The following COL17A1 variants were observed in gnomAD, a reference collection of about 807,000 sequenced individuals.
COL17A1 encodes the protein collagen type XVII alpha 1 chain.
In COL17A1, 181 loss-of-function variants were observed where a neutral mutation model predicts 218.4. The ratio of observed to expected loss-of-function variants is 0.83; its 90% CI spans 0.73 to 0.94. The LOEUF (loss-of-function observed/expected upper bound fraction) is 0.94, where lower values mean the gene tolerates loss of function less well. Ranked by LOEUF, COL17A1 falls within the 40% of genes least tolerant of loss-of-function variation. The probability of loss-of-function intolerance (pLI) is 0.00; values close to 1 mark genes in which losing one functional copy is unlikely to be tolerated. For synonymous variants in COL17A1, 721 were observed against 731.0 expected, an observed-to-expected ratio of 0.99 and a Z score of 0.22; for missense variants, 1,924 against 1,945.9, an observed-to-expected ratio of 0.99 and a Z score of 0.21.
At chr10:104,065,010 A>C (rs982312680) in intron 9 of COL17A1, among the ~76,000 whole-genome samples, 13 of 152,236 alleles carry the variant, frequency 8.5e-5, no homozygotes, top group African/African-American at 3.1e-4. Context: ...AACCTCTTTC[A>C]GTAGAATTCC....
At chr10:104,036,958 C>G in intron 47 of COL17A1, 87 bp downstream of exon 47, 1 of 1,269,166 alleles carries the variant, frequency 7.9e-7, no homozygotes, top group Middle Eastern at 2.6e-4. Flanking sequence ...CCTTCCAAGG[C>G]TCAGACGAGG....
intron 4 of COL17A1, 62 bp downstream of exon 4, chr10:104,077,360 T>G: frequency 7.4e-7 from 1 of 1,343,096 alleles, no homozygotes; most frequent in Non-Finnish European, 1.1e-6. Flanking sequence ...TGTAGGACTT[T>G]CTTGGTGTCT....
At chr10:104,065,436 G>A (rs2086618786) in intron 9 of COL17A1, among the ~76,000 whole-genome samples, 1 of 152,142 alleles carries the variant, frequency 6.6e-6, no homozygotes, top group South Asian at 2.1e-4. Flanking sequence ...ATGTAATATG[G>A]AACAGCTGAA....
intron 48 of COL17A1, among the ~76,000 whole-genome samples, chr10:104,035,885 G>GCAGT (rs2086279352): frequency 3.0e-4 from 1 of 3,300 alleles, no homozygotes; most frequent in Non-Finnish European, 8.5e-4. Flanking sequence ...CGTGAGTACT[G>GCAGT]GAGTGTATGG....
chr10:104,032,006 T>C lies in COL17A1; in HGVS notation c.*229A>G. 1 of 600,056 alleles carries C rather than the reference T, an allele frequency of 1.7e-6. No individual in the cohort carries two copies. The allele number at this position is 600,056 out of a possible 1,614,324, so 37.2% of individuals were successfully genotyped here. ...GAGAAGTAAGTCTCATTCTAAAACA[T>C]TGCAACTACTGTTAGAGTCCACCCC... On this transcript the variant is annotated 3_prime_UTR_variant, in exon 56 of 56. Coordinates refer to ENST00000648076, the MANE Select transcript of COL17A1 (RefSeq NM_000494.4).
Position 104,034,044 on chromosome 10 carries a change from CTTCT to C in COL17A1, c.4053_4056del (p.Glu1352AlafsTer26). The C allele has an allele frequency of 6.2e-7, 1 of 1,614,202 alleles. No homozygotes were observed. Among genetic ancestry groups the C allele is most frequent in the South Asian group, 1.1e-5 (1 of 91,090 alleles). Reference sequence around the variant, plus strand: ...CCGCCATTGCCAGCATACATGCCGCCTTCTGCTGCTGCCCCATAGCCTCCGCCTG... The same window carrying C: ...CCGCCATTGCCAGCATACATGCCGCCGCTGCTGCCCCATAGCCTCCGCCTG... On this transcript the variant is annotated frameshift_variant, in exon 52 of 56. Coordinates refer to ENST00000648076, the MANE Select transcript of COL17A1 (RefSeq NM_000494.4). LOFTEE classifies it high-confidence loss of function.
intron 9 of COL17A1, among the ~76,000 whole-genome samples, chr10:104,066,327 T>C (rs962548942): frequency 1.3e-5 from 2 of 152,032 alleles, no homozygotes; most frequent in Non-Finnish European, 2.9e-5. Context: ...ATGCTGCAGG[T>C]TTTTAAGGGC....
chr10:104,058,263 T>G, intron 15 of COL17A1, 73 bp from the exon 16 acceptor site: 1 of 1,594,616 alleles, frequency 6.3e-7, no homozygotes, highest in Non-Finnish European at 8.6e-7. Context: ...GAGTAGCCAT[T>G]TTTTTATTCC....
chr10:104,034,508 A>C lies in COL17A1; in HGVS notation c.3766+113T>G, dbSNP rs184551538. On this transcript the variant is annotated intron_variant, in intron 51 of 55. Coordinates refer to ENST00000648076, the MANE Select transcript of COL17A1 (RefSeq NM_000494.4). ...TGTGGAAGGAAACCGGGCTTACCCC[A>C]CCAGTGGCTCTCGTGTGGCCTTCCT... is the stretch of plus-strand genomic sequence containing the variant. 1.8e-3 allele frequency: 2,685 copies of C among 1,521,404 alleles called. 40 individuals carry two copies. In the African/African-American group the frequency reaches 0.029, roughly 16 times the overall value. 94.2% of individuals were successfully genotyped at this position (1,521,404 alleles called of 1,614,324 possible). A position where few individuals can be genotyped will look rare whatever the true frequency, so the allele number is the denominator to read the frequency against.
rs966109154 is a variant in COL17A1, at chr10:104,054,236, G to A, written c.1745-118C>T. Reference sequence around the variant, plus strand: ...AAACTTAGGAAATAAAAATGCAGATGTCCAGTTACATTTGAATTGCAGATA... The same window carrying A: ...AAACTTAGGAAATAAAAATGCAGATATCCAGTTACATTTGAATTGCAGATA... On this transcript the variant is annotated intron_variant, in intron 20 of 55. Transcript: ENST00000648076. The A allele has an allele frequency of 3.8e-5, 36 of 957,562 alleles. No individual in the cohort carries two copies. The African/African-American group carries it at 4.5e-4, about 12-fold the overall frequency. The allele number at this position is 957,562 out of a possible 1,614,324, so 59.3% of individuals were successfully genotyped here. A position where few individuals can be genotyped will look rare whatever the true frequency, so the allele number is the denominator to read the frequency against.
intron 1 of COL17A1, among the ~76,000 whole-genome samples, chr10:104,085,389 G>T (rs1236604991): frequency 1.3e-5 from 2 of 152,086 alleles, no homozygotes; most frequent in Non-Finnish European, 2.9e-5. Context: ...GGGAGAGAAG[G>T]AATTATAAGC....
At chr10:104,041,141 C>T (rs750729959) in intron 38 of COL17A1, 23 bp from the exon 39 acceptor site, 101 of 1,608,760 alleles carry the variant, frequency 6.3e-5, no homozygotes, top group Non-Finnish European at 8.5e-5. Context: ...ACCCCCAAGA[C>T]TTATTAGTGC....
rs540348616 is a variant in COL17A1 at position 104,077,507 on chromosome 10, G to T, written c.117C>A (p.Gly39=). The T allele has an allele frequency of 6.2e-7, 1 of 1,612,716 alleles. No homozygotes were observed. Among genetic ancestry groups the T allele is most frequent in the Admixed American group, 1.7e-5 (1 of 59,906 alleles). ...SLPPKGGTSN[G]YAKTASLGGG... is the part of the protein sequence containing the mutation. ...CACCAAGAGAGGCTGTTTTAGCATA[G>T]CCATTGCTGGTCCCGCCTTCTGCCA... is the stretch of plus-strand genomic sequence containing the variant. Residue 39 remains glycine, a synonymous_variant, in exon 4 of 56, where the codon GGC becomes GGA. Coordinates refer to ENST00000648076, the MANE Select transcript of COL17A1 (RefSeq NM_000494.4).
At chr10:104,040,193 C>A (rs1002340093) in intron 40 of COL17A1, among the ~76,000 whole-genome samples, 158 bp downstream of exon 40, 1 of 152,332 alleles carries the variant, frequency 6.6e-6, no homozygotes, top group Middle Eastern at 3.4e-3. Flanking sequence ...GTGCCTCCCC[C>A]TCTACCTTTG....
rs1168300605 is a variant in COL17A1, at chr10:104,046,664, G to C, written c.2362+83C>G. ...AGTTGGTGGAGGAGAGGAAACTCTGGTGACTGCAGGAAAAGCCCTGGCCCA... is the reference window on the plus strand; with the variant it reads ...AGTTGGTGGAGGAGAGGAAACTCTGCTGACTGCAGGAAAAGCCCTGGCCCA... On this transcript the variant is annotated intron_variant, in intron 32 of 55. Transcript: ENST00000648076. 36 of 1,377,396 alleles carry C rather than the reference G, an allele frequency of 2.6e-5. No individual in the cohort carries two copies. In the Admixed American group the frequency reaches 5.9e-4, roughly 22 times the overall value. 85.3% of individuals were successfully genotyped at this position (1,377,396 alleles called of 1,614,324 possible). A position where few individuals can be genotyped will look rare whatever the true frequency, so the allele number is the denominator to read the frequency against.
At chr10:104,081,806 C>T (rs1283981655) in intron 1 of COL17A1, among the ~76,000 whole-genome samples, 1 of 152,200 alleles carries the variant, frequency 6.6e-6, no homozygotes, top group Non-Finnish European at 1.5e-5. Context: ...CCTAGGCCCA[C>T]AGCACATTTT....
chr10:104,052,031 C>T (rs1462272658), intron 24 of COL17A1, 124 bp downstream of exon 24: 2 of 1,319,852 alleles, frequency 1.5e-6, no homozygotes, highest in East Asian at 4.6e-5. Flanking sequence ...ACCCACCACC[C>T]CTGCACAGGC....
At position 104,040,357 on chromosome 10, in the gene COL17A1, C is replaced by G. The variant is rs117564807; in HGVS notation, c.2755G>C (p.Asp919His). ...GPPGPPGPKG[D>H]QGPPGPRGHQ... ...CCTGATACACTGTTCTCACCTTGGT[C>G]TCCCTTGGGACCTGGGGGGCCAGGT... Residue 919 changes from aspartate to histidine, a missense_variant, in exon 40 of 56, where the codon GAC becomes CAC. Coordinates refer to ENST00000648076, the MANE Select transcript of COL17A1 (RefSeq NM_000494.4). The G allele has an allele frequency of 6.2e-7, 1 of 1,607,108 alleles. No individual in the cohort carries two copies. Among genetic ancestry groups the G allele is most frequent in the African/African-American group, 1.3e-5 (1 of 74,770 alleles).
intron 15 of COL17A1, chr10:104,059,336 T>G: frequency 2.3e-6 from 1 of 429,272 alleles, no homozygotes; most frequent in Non-Finnish European, 4.3e-6. Context: ...CATTTTTCTA[T>G]TAGTTCTGAA....
Sources: gnomAD v4.1 joint callset for allele counts (sites outside exome capture counted in the v4.1 genomes callset) on GRCh38, gnomAD v4.1.1 for gene constraint, MANE v1.5 for transcripts, NCBI Gene and HGNC (gene_info 2026-07-23, HGNC 2026-07-21) for gene names.